Variants in DSCAM observed in about 807,000 individuals in gnomAD.
DSCAM encodes the protein DS cell adhesion molecule.
DSCAM carries 47 observed loss-of-function variants against 217.7 expected under a neutral mutation model. The ratio of observed to expected loss-of-function variants is 0.22; its 90% CI spans 0.17 to 0.28. The LOEUF is 0.28. DSCAM is among the 10% of genes least tolerant of loss of function. The pLI, the probability that DSCAM is intolerant of heterozygous loss-of-function variation, is 1.00. For synonymous variants in DSCAM, 1,056 were observed against 1,015.3 expected, an observed-to-expected ratio of 1.04 and a Z score of -0.76; for missense variants, 2,080 against 2,618.3, an observed-to-expected ratio of 0.79 and a Z score of 4.49.
At chr21:40,488,045 C>T (rs1458748786) in intron 3 of DSCAM, among the ~76,000 whole-genome samples, 3 of 152,230 alleles carry the variant, frequency 2.0e-5, no homozygotes, top group African/African-American at 7.2e-5. Context: ...GTTGATGTTT[C>T]TGTCTTTCTA....
intron 17 of DSCAM, 134 bp from the exon 18 acceptor site, chr21:40,142,838 A>C: frequency 9.8e-7 from 1 of 1,022,262 alleles, no homozygotes; most frequent in Non-Finnish European, 1.4e-6. Flanking sequence ...GAAAGAAAAA[A>C]TAACAAAGAT....
chr21:40,125,457 C>T (rs1243114423), intron 19 of DSCAM, among the ~76,000 whole-genome samples: 4 of 152,142 alleles, frequency 2.6e-5, no homozygotes, highest in Admixed American at 6.5e-5. Flanking sequence ...CAATAGAAGT[C>T]CCTTGCAAGC....
intron 8 of DSCAM, among the ~76,000 whole-genome samples, chr21:40,323,171 T>C (rs550911645): frequency 6.6e-6 from 1 of 152,304 alleles, no homozygotes; most frequent in East Asian, 1.9e-4. Flanking sequence ...AGCTCACTCT[T>C]TCTTCGCCCA....
rs549802896 is a variant in DSCAM, at chr21:40,070,527, C to T, written c.4888+4510G>A. Among the ~76,000 whole-genome samples, 7 of 152,194 alleles carry T rather than the reference C, an allele frequency of 4.6e-5. No individual in the cohort carries two copies. The East Asian group carries it at 9.6e-4, about 21-fold the overall frequency. On this transcript the variant is annotated intron_variant, in intron 27 of 32. Coordinates refer to ENST00000400454, the MANE Select transcript of DSCAM (RefSeq NM_001389.5). ...ATGCCATCTTAGCCACACTTGGTAACGAAAGCTCTAGGGTGCATGTGTGCT... is the reference window on the plus strand; with the variant it reads ...ATGCCATCTTAGCCACACTTGGTAATGAAAGCTCTAGGGTGCATGTGTGCT...
chr21:40,473,473 C>T (rs919106039), intron 3 of DSCAM, among the ~76,000 whole-genome samples: 2 of 152,142 alleles, frequency 1.3e-5, no homozygotes, highest in East Asian at 1.9e-4. Context: ...CTGCGGATGC[C>T]GACCCCTTAG....
chr21:40,229,105 T>C (rs369179015), intron 11 of DSCAM, among the ~76,000 whole-genome samples: 1 of 152,216 alleles, frequency 6.6e-6, no homozygotes, highest in East Asian at 1.9e-4. Flanking sequence ...AATTGTTTAA[T>C]TACAGTTTAG....
chr21:40,404,527 T>C lies in DSCAM; in HGVS notation c.509-35282A>G, dbSNP rs533735275. On this transcript the variant is annotated intron_variant, in intron 3 of 32. Transcript: ENST00000400454. Reference sequence around the variant, plus strand: ...TTTCTTTAATACAGCACAAGTCCCTTAACACGTCACAGATTTTCCAGGCTC... The same window carrying C: ...TTTCTTTAATACAGCACAAGTCCCTCAACACGTCACAGATTTTCCAGGCTC... Among the ~76,000 whole-genome samples, 13 of 152,320 alleles carry C rather than the reference T, an allele frequency of 8.5e-5. No homozygotes were observed. The East Asian group carries it at 2.1e-3, about 25-fold the overall frequency.
intron 1 of DSCAM, among the ~76,000 whole-genome samples, chr21:40,746,170 A>G (rs780970428): frequency 1.3e-5 from 2 of 151,972 alleles, no homozygotes; most frequent in African/African-American, 2.4e-5. Context: ...ACCAGAAAAC[A>G]AGTAACAAAA....
chr21:40,344,346 C>T (rs979127115), intron 6 of DSCAM, among the ~76,000 whole-genome samples: 4 of 152,178 alleles, frequency 2.6e-5, no homozygotes, highest in Admixed American at 2.0e-4. Context: ...TGTTCCATTT[C>T]TGTTCCATGT....
intron 1 of DSCAM, among the ~76,000 whole-genome samples, chr21:40,724,963 G>C (rs1267387210): frequency 1.3e-5 from 2 of 151,996 alleles, no homozygotes; most frequent in African/African-American, 4.8e-5. Context: ...CAAAATAAAT[G>C]ACCATTCTCA....
chr21:40,489,161 G>A (rs1048734533), intron 3 of DSCAM, among the ~76,000 whole-genome samples: 2 of 152,202 alleles, frequency 1.3e-5, no homozygotes, highest in African/African-American at 4.8e-5. Context: ...TTTCTGTGAG[G>A]GTGTGTTTGG....
chr21:40,600,454 C>T (rs1215922503), intron 3 of DSCAM, among the ~76,000 whole-genome samples: 2 of 152,148 alleles, frequency 1.3e-5, no homozygotes, highest in African/African-American at 2.4e-5. Flanking sequence ...ATGATTTAAT[C>T]ACCTCTCAAA....
At chr21:40,602,347 CAT>C (rs904991290) in intron 3 of DSCAM, among the ~76,000 whole-genome samples, 116 of 152,266 alleles carry the variant, frequency 7.6e-4, no homozygotes, top group African/African-American at 2.6e-3. Context: ...AGTCATGAGA[CAT>C]AACGTCAGCT....
At chr21:40,832,700 C>A (rs2092021639) in intron 1 of DSCAM, among the ~76,000 whole-genome samples, 1 of 152,044 alleles carries the variant, frequency 6.6e-6, no homozygotes, top group Non-Finnish European at 1.5e-5. Context: ...TCCAGACTAC[C>A]CCATTAAGCT....
rs548476402 is a variant in DSCAM, at chr21:40,259,252, A to T, written c.2356+16845T>A. 1.1e-3 allele frequency among the ~76,000 whole-genome samples: 158 copies of T among 149,322 alleles called. 2 individuals carry two copies. Among genetic ancestry groups the T allele is most frequent in the African/African-American group, 3.4e-3 (137 of 40,030 alleles). Reference sequence around the variant, plus strand: ...GCAAAGTTCTCACCTCCCTCGAAGGATCTGATCTCCTCTTTAATGAACTCT... The same window carrying T: ...GCAAAGTTCTCACCTCCCTCGAAGGTTCTGATCTCCTCTTTAATGAACTCT... On this transcript the variant is annotated intron_variant, in intron 11 of 32. Coordinates refer to ENST00000400454, the MANE Select transcript of DSCAM (RefSeq NM_001389.5).
chr21:40,096,704 T>TAA (rs908132182), intron 20 of DSCAM, among the ~76,000 whole-genome samples: 1 of 145,692 alleles, frequency 6.9e-6, no homozygotes, highest in Non-Finnish European at 1.5e-5. Flanking sequence ...ACAAGAATAT[T>TAA]AAAAAAAAAA....
chr21:40,075,309 C>A, intron 26 of DSCAM, 96 bp from the exon 27 acceptor site: 2 of 1,352,138 alleles, frequency 1.5e-6, no homozygotes, highest in Non-Finnish European at 1.0e-6. Flanking sequence ...CTGTGTGATC[C>A]AAGGGTGTTG....
At chr21:40,534,555 T>C (rs2146117480) in intron 3 of DSCAM, among the ~76,000 whole-genome samples, 1 of 152,270 alleles carries the variant, frequency 6.6e-6, no homozygotes, top group Admixed American at 6.5e-5. Context: ...TCCACAGGCA[T>C]GTCCCCAGAA....
At chr21:40,616,923 A>AAG (rs1231281115) in intron 3 of DSCAM, among the ~76,000 whole-genome samples, 7 of 145,864 alleles carry the variant, frequency 4.8e-5, no homozygotes, top group African/African-American at 1.8e-4. Context: ...AGGCTGAGGC[A>AAG]GGAGAGTGGC....
Sources: gnomAD v4.1 joint callset for allele counts (sites outside exome capture counted in the v4.1 genomes callset) on GRCh38, gnomAD v4.1.1 for gene constraint, MANE v1.5 for transcripts, NCBI Gene and HGNC (gene_info 2026-07-23, HGNC 2026-07-21) for gene names.